The following GRID2 variants were observed in gnomAD, a reference collection of about 807,000 sequenced individuals.
GRID2 encodes the protein glutamate receptor ionotropic, delta-2.
A neutral mutation model predicts 114.8 loss-of-function variants in GRID2; 33 were observed. The observed-to-expected ratio is 0.29, with a 90% confidence interval of 0.22 to 0.38. The LOEUF is 0.38. Among genes scored for constraint, GRID2 ranks in the 10% least tolerant of loss-of-function variants. The pLI, the probability that GRID2 is intolerant of heterozygous loss-of-function variation, is 1.00. For missense variants in GRID2, 1,184 were observed against 1,257.7 expected (o/e 0.94, Z 0.89); for synonymous variants, 505 against 449.9 (o/e 1.12, Z -1.55).
rs533155540 is a variant in GRID2 at position 93,042,631 on chromosome 4, A to C, written c.245-42364A>C. ...CTTTTCTCTCTCTCTCTCTCTATAT[A>C]TATATATATATTTCTATCTCTATAT... On this transcript the variant is annotated intron_variant, in intron 2 of 15. Coordinates refer to ENST00000282020, the MANE Select transcript of GRID2 (RefSeq NM_001510.4). 1.1e-3 allele frequency among the ~76,000 whole-genome samples: 160 copies of C among 144,258 alleles called. 1 individual carries two copies. Among genetic ancestry groups the C allele is most frequent in the African/African-American group, 3.3e-3 (132 of 39,672 alleles). 94.6% of individuals were successfully genotyped at this position (144,258 alleles called of 152,430 possible). A position where few individuals can be genotyped will look rare whatever the true frequency, so the allele number is the denominator to read the frequency against.
chr4:92,565,373 T>C lies in GRID2; in HGVS notation c.89-24758T>C, dbSNP rs1045422659. On this transcript the variant is annotated intron_variant, in intron 1 of 15. Coordinates refer to ENST00000282020, the MANE Select transcript of GRID2 (RefSeq NM_001510.4). ...TTAGTATAGTTTTAGTTTACTGAAT[T>C]CATATGCTTGCTAAGAGCTAGAAGC... 1.4e-4 allele frequency among the ~76,000 whole-genome samples: 21 copies of C among 152,084 alleles called. No homozygotes were observed. In the East Asian group the frequency reaches 4.1e-3, roughly 29 times the overall value.
At chr4:92,593,853 A>C (rs1165233491) in intron 2 of GRID2, among the ~76,000 whole-genome samples, 1 of 149,074 alleles carries the variant, frequency 6.7e-6, no homozygotes, top group Non-Finnish European at 1.5e-5. Flanking sequence ...TTTTCTTGAC[A>C]ATTTTTTTTT....
chr4:93,721,921 T>C (rs865925849), intron 14 of GRID2, among the ~76,000 whole-genome samples: 8 of 45,208 alleles, frequency 1.8e-4, no homozygotes, highest in African/African-American at 7.3e-4. Flanking sequence ...TTCTTTTTTC[T>C]TTTTTTTTTT....
intron 4 of GRID2, among the ~76,000 whole-genome samples, chr4:93,205,096 T>C (rs1742548372): frequency 6.6e-6 from 1 of 152,146 alleles, no homozygotes; most frequent in African/African-American, 2.4e-5. Context: ...TAATGGAGTC[T>C]CACGTATTTT....
chr4:92,458,289 G>C, intron 1 of GRID2, among the ~76,000 whole-genome samples: 1 of 152,124 alleles, frequency 6.6e-6, no homozygotes, highest in Admixed American at 6.5e-5. Flanking sequence ...CTAGTTCTAG[G>C]CCTGGGTTCA....
At chr4:93,424,922 T>A (rs1448204767) in intron 10 of GRID2, among the ~76,000 whole-genome samples, 1 of 152,206 alleles carries the variant, frequency 6.6e-6, no homozygotes, top group East Asian at 1.9e-4. Flanking sequence ...AGTTTACTGA[T>A]ATTCTGCCAC....
At chr4:93,218,090 A>G (rs1366844625) in intron 6 of GRID2, among the ~76,000 whole-genome samples, 1 of 151,912 alleles carries the variant, frequency 6.6e-6, no homozygotes, top group East Asian at 1.9e-4. Context: ...TTAAAAAAGG[A>G]TTTGCCATTT....
chr4:92,530,416 C>A (rs1441915753), intron 1 of GRID2, among the ~76,000 whole-genome samples: 5 of 145,740 alleles, frequency 3.4e-5, no homozygotes, highest in African/African-American at 1.0e-4. Context: ...CTAACGTTTT[C>A]AAGACTTTGG....
intron 2 of GRID2, among the ~76,000 whole-genome samples, chr4:92,682,600 T>G (rs915459155): frequency 3.3e-5 from 5 of 151,914 alleles, no homozygotes; most frequent in Admixed American, 2.6e-4. Flanking sequence ...AACGATTTCT[T>G]TCTGAGAAGA....
rs564853605 is a variant in GRID2, at chr4:93,677,131, G to A, written c.2360+50696G>A. On this transcript the variant is annotated intron_variant, in intron 14 of 15. Transcript: ENST00000282020. ...ATGGCCCACCAGGAGATTATATCCC[G>A]CACCTGGCTCGGAGGGTCCTATGCC... Among the ~76,000 whole-genome samples the A allele has an allele frequency of 2.2e-4, 33 of 152,296 alleles. 1 individual carries two copies. The South Asian group carries it at 3.3e-3, about 15-fold the overall frequency.
intron 8 of GRID2, among the ~76,000 whole-genome samples, chr4:93,284,321 T>C (rs529885913): frequency 2.1e-4 from 32 of 151,958 alleles, no homozygotes; most frequent in African/African-American, 7.2e-4. Context: ...CATGGACACA[T>C]AGAGGGGATC....
At chr4:93,778,421 G>A, downstream of GRID2, among the ~76,000 whole-genome samples, 1 of 114,498 alleles carries the variant, frequency 8.7e-6, no homozygotes, top group African/African-American at 3.4e-5. Flanking sequence ...TTTTGAGACA[G>A]AGTCTCGCTC....
intron 4 of GRID2, among the ~76,000 whole-genome samples, chr4:93,174,168 G>A (rs1247919027): frequency 1.3e-5 from 2 of 152,122 alleles, no homozygotes; most frequent in African/African-American, 2.4e-5. Context: ...ACTCAATGCA[G>A]TGTTATTGTA....
At chr4:92,534,548 T>C (rs1177406884) in intron 1 of GRID2, among the ~76,000 whole-genome samples, 3 of 152,176 alleles carry the variant, frequency 2.0e-5, no homozygotes, top group Non-Finnish European at 4.4e-5. Flanking sequence ...ACAGGTGAGA[T>C]AATTCCTTCA....
chr4:93,239,591 T>G (rs183963453), intron 8 of GRID2, among the ~76,000 whole-genome samples: 6 of 151,684 alleles, frequency 4.0e-5, no homozygotes, highest in African/African-American at 1.4e-4. Flanking sequence ...GAAACTATCT[T>G]GATGCATTTA....
At chr4:93,322,762 A>C (rs1757374334) in intron 8 of GRID2, among the ~76,000 whole-genome samples, 2 of 152,152 alleles carry the variant, frequency 1.3e-5, no homozygotes, top group African/African-American at 2.4e-5. Context: ...ATGGTATCTC[A>C]TTGTGGTTTT....
chr4:93,343,536 T>A (rs1185855391), intron 8 of GRID2, among the ~76,000 whole-genome samples: 6 of 152,172 alleles, frequency 3.9e-5, no homozygotes, highest in Non-Finnish European at 8.8e-5. Flanking sequence ...CAATAATCTT[T>A]AGAGTCCTTC....
At chr4:93,128,080 GT>G (rs1734469764) in intron 4 of GRID2, among the ~76,000 whole-genome samples, 2 of 130,714 alleles carry the variant, frequency 1.5e-5, no homozygotes, top group African/African-American at 2.9e-5. Flanking sequence ...TGCTATATTG[GT>G]TTTACAGCTC....
At chr4:93,006,863 T>G in intron 2 of GRID2, among the ~76,000 whole-genome samples, 1 of 151,284 alleles carries the variant, frequency 6.6e-6, no homozygotes, top group Non-Finnish European at 1.5e-5. Flanking sequence ...AATTTTCAAC[T>G]GATGAAATTT....
Sources: allele counts gnomAD v4.1 joint callset (sites outside exome capture counted in the v4.1 genomes callset), GRCh38; gene constraint gnomAD v4.1.1; transcripts MANE v1.5; gene names NCBI Gene and HGNC (gene_info 2026-07-23, HGNC 2026-07-21).